The following SDK1 variants were observed in gnomAD, a reference collection of about 807,000 sequenced individuals.
SDK1 encodes the protein protein sidekick-1.
In SDK1, 157 loss-of-function variants were observed where a neutral mutation model predicts 245.5. The ratio of observed to expected loss-of-function variants is 0.64; its 90% CI spans 0.56 to 0.73. The LOEUF is 0.73. SDK1 is among the 30% of genes least tolerant of loss of function. The pLI, the probability that SDK1 is intolerant of heterozygous loss-of-function variation, is 0.00. For synonymous variants in SDK1, 1,647 were observed against 1,278.5 expected, an observed-to-expected ratio of 1.29 and a Z score of -6.15; for missense variants, 3,583 against 3,002.3, an observed-to-expected ratio of 1.19 and a Z score of -4.52.
chr7:3,352,775 T>TC (rs1050982794), intron 1 of SDK1, among the ~76,000 whole-genome samples: 6 of 152,126 alleles, frequency 3.9e-5, no homozygotes, highest in African/African-American at 1.4e-4. Context: ...CCTTTTTTTT[T>TC]CTCTTCTCTT....
At chr7:3,457,436 C>CCTT (rs1479932942) in intron 1 of SDK1, among the ~76,000 whole-genome samples, 1 of 152,106 alleles carries the variant, frequency 6.6e-6, no homozygotes. Flanking sequence ...TTCTTATCTC[C>CCTT]CTTTACCTTC....
intron 4 of SDK1, among the ~76,000 whole-genome samples, chr7:3,756,189 C>T (rs899127944): frequency 1.3e-4 from 20 of 149,364 alleles, no homozygotes; most frequent in African/African-American, 4.7e-4. Flanking sequence ...GAACCTGACT[C>T]CTTTCACATG....
intron 1 of SDK1, among the ~76,000 whole-genome samples, chr7:3,494,212 T>C (rs1386483539): frequency 2.0e-5 from 3 of 151,428 alleles, no homozygotes; most frequent in African/African-American, 7.4e-5. Flanking sequence ...TTTAGGAGCT[T>C]TTATTTTGAG....
intron 1 of SDK1, among the ~76,000 whole-genome samples, chr7:3,434,541 C>A (rs1469932743): frequency 1.3e-5 from 2 of 152,116 alleles, no homozygotes; most frequent in Non-Finnish European, 2.9e-5. Context: ...CCTCACAGCT[C>A]CTTAAGTATT....
intron 30 of SDK1, among the ~76,000 whole-genome samples, chr7:4,151,649 A>G (rs1271426070): frequency 1.3e-5 from 2 of 152,124 alleles, no homozygotes; most frequent in Non-Finnish European, 2.9e-5. Flanking sequence ...CGTCGCCATC[A>G]TTATTTCCGG....
chr7:3,473,704 A>G (rs1781254079), intron 1 of SDK1, among the ~76,000 whole-genome samples: 1 of 151,468 alleles, frequency 6.6e-6, no homozygotes, highest in Non-Finnish European at 1.5e-5. Context: ...TTATCTTTCT[A>G]GTTACCTTCC....
intron 1 of SDK1, among the ~76,000 whole-genome samples, chr7:3,501,416 C>T (rs997677933): frequency 2.0e-5 from 3 of 150,988 alleles, no homozygotes; most frequent in Non-Finnish European, 4.4e-5. Flanking sequence ...CAAAGTAGAA[C>T]AGTTAGGTTC....
chr7:4,208,063 C>T (rs778082989), intron 36 of SDK1, 36 bp from the exon 37 acceptor site: 22 of 1,558,024 alleles, frequency 1.4e-5, no homozygotes, highest in Non-Finnish European at 1.8e-5. Flanking sequence ...GAAGGCTTCC[C>T]CAGGACCCAC....
At chr7:3,545,471 C>A (rs1779191048) in intron 1 of SDK1, among the ~76,000 whole-genome samples, 1 of 152,224 alleles carries the variant, frequency 6.6e-6, no homozygotes, top group African/African-American at 2.4e-5. Context: ...GTAGAAGTCT[C>A]AGTTACTCCT....
intron 1 of SDK1, among the ~76,000 whole-genome samples, chr7:3,608,125 C>T (rs1202544869): frequency 6.6e-6 from 1 of 152,240 alleles, no homozygotes; most frequent in Non-Finnish European, 1.5e-5. Context: ...ATCCGTGCCA[C>T]ACACCTATGA....
Position 3,301,602 on chromosome 7 carries a change from C to A in SDK1, c.16C>A (p.Arg6=). The change falls in exon 1 of 45, where the codon CGG becomes AGG. Residue 6 remains arginine, a synonymous_variant. Transcript: ENST00000404826. MARGA[R]PSAAGGGGGG... The stretch of plus-strand genomic sequence containing the variant: ...GCTGCTCGGCATGGCCCGGGGCGCC[C>A]GGCCCTCGGCGGCCGGTGGCGGCGG... The A allele has an allele frequency of 1.0e-6, 1 of 973,222 alleles. No homozygotes were observed. The highest frequency in any genetic ancestry group is 4.7e-5 in the South Asian group (1 of 21,496). The allele number at this position is 973,222 out of a possible 1,614,324, so 60.3% of individuals were successfully genotyped here.
intron 2 of SDK1, among the ~76,000 whole-genome samples, chr7:3,637,312 G>A (rs116982458): frequency 0.026 from 4,020 of 152,210 alleles, 70 homozygotes; most frequent in Non-Finnish European, 0.037. Context: ...GGCTAAGCTG[G>A]TGTCAAACTC....
chr7:3,381,939 A>C (rs915653075), intron 1 of SDK1, among the ~76,000 whole-genome samples: 2 of 152,134 alleles, frequency 1.3e-5, no homozygotes, highest in Admixed American at 1.3e-4. Flanking sequence ...ACTACAGATA[A>C]TAGAAGCATA....
At chr7:3,993,644 C>T (rs1301710034) in intron 14 of SDK1, among the ~76,000 whole-genome samples, 1 of 152,198 alleles carries the variant, frequency 6.6e-6, no homozygotes, top group Non-Finnish European at 1.5e-5. Context: ...TACAGTCCCA[C>T]ATATGTTGAA....
intron 4 of SDK1, among the ~76,000 whole-genome samples, chr7:3,751,946 C>T (rs377231437): frequency 4.6e-5 from 7 of 152,088 alleles, no homozygotes; most frequent in African/African-American, 1.2e-4. Context: ...GGGGAAGAGA[C>T]GAAAGATAGT....
rs553277692 is a variant in SDK1 at position 3,746,253 on chromosome 7, A to G, written c.714-75197A>G. Among the ~76,000 whole-genome samples the G allele has an allele frequency of 1.7e-3, 259 of 152,352 alleles. 3 individuals are homozygous for G. Among genetic ancestry groups the G allele is most frequent in the African/African-American group, 6.1e-3 (254 of 41,578 alleles). ...AATTTACATACCTTAATTCAAAAAT[A>G]CTTTATTTTAAAATATAATAGCAAT... On this transcript the variant is annotated intron_variant, in intron 4 of 44. Transcript: ENST00000404826.
intron 1 of SDK1, among the ~76,000 whole-genome samples, chr7:3,387,946 C>T (rs1048299712): frequency 6.6e-6 from 1 of 152,150 alleles, no homozygotes; most frequent in Non-Finnish European, 1.5e-5. Flanking sequence ...ACATAATTTG[C>T]TATTAAGTGA....
intron 1 of SDK1, among the ~76,000 whole-genome samples, chr7:3,346,962 C>T (rs13224926): frequency 0.44 from 64,745 of 148,658 alleles, 14,120 homozygotes; most frequent in East Asian, 0.52. Flanking sequence ...TGAGCTACTG[C>T]ACCCAGCCCT....
chr7:3,472,951 A>G (rs1289091518), intron 1 of SDK1, among the ~76,000 whole-genome samples: 1 of 152,210 alleles, frequency 6.6e-6, no homozygotes, highest in Non-Finnish European at 1.5e-5. Context: ...AAGGCATTGC[A>G]CACAGACCAG....
Sources: allele counts gnomAD v4.1 joint callset (sites outside exome capture counted in the v4.1 genomes callset), GRCh38; gene constraint gnomAD v4.1.1; transcripts MANE v1.5; gene names NCBI Gene and HGNC (gene_info 2026-07-23, HGNC 2026-07-21).